The following LRRK1 variants were observed in gnomAD, a reference collection of about 807,000 sequenced individuals.
LRRK1 encodes leucine-rich repeat serine/threonine-protein kinase 1.
A neutral mutation model predicts 209.1 loss-of-function variants in LRRK1; 113 were observed. The observed-to-expected ratio is 0.54, with a 90% CI of 0.46 to 0.63. The LOEUF (loss-of-function observed/expected upper bound fraction) is 0.63. Among genes scored for constraint, LRRK1 ranks in the 30% least tolerant of loss-of-function variants. The pLI, the probability that LRRK1 is intolerant of heterozygous loss-of-function variation, is 0.00. For synonymous variants in LRRK1, 1,144 were observed against 1,099.7 expected, an observed-to-expected ratio of 1.04 and a Z score of -0.80; for missense variants, 2,284 against 2,632.2, an observed-to-expected ratio of 0.87 and a Z score of 2.89.
At chr15:100,966,695 G>A (rs564289762) in intron 2 of LRRK1, among the ~76,000 whole-genome samples, 16 of 152,306 alleles carry the variant, frequency 1.1e-4, no homozygotes, top group African/African-American at 3.9e-4. Flanking sequence ...AGCCCACAGG[G>A]TCGGTGAGAG....
At chr15:100,945,215 A>G (rs1487805438) in intron 2 of LRRK1, among the ~76,000 whole-genome samples, 1 of 152,212 alleles carries the variant, frequency 6.6e-6, no homozygotes, top group African/African-American at 2.4e-5. Context: ...GCTTCGAAAA[A>G]TCTGACAGAT....
intron 29 of LRRK1, among the ~76,000 whole-genome samples, chr15:101,060,889 G>T (rs1438643001): frequency 6.6e-6 from 1 of 152,262 alleles, no homozygotes; most frequent in Non-Finnish European, 1.5e-5. Context: ...GCAGGATATG[G>T]CCGGCGGGAG....
chr15:101,053,444 C>T (rs769068605), intron 26 of LRRK1, 24 bp downstream of exon 26: 12 of 1,545,916 alleles, frequency 7.8e-6, no homozygotes, highest in Middle Eastern at 1.7e-4. Context: ...CCGCCCCACC[C>T]GGCCCCGGAG....
chr15:101,056,610 A>AATGG (rs913204597), intron 27 of LRRK1, among the ~76,000 whole-genome samples: 2 of 152,044 alleles, frequency 1.3e-5, no homozygotes, highest in African/African-American at 4.8e-5. Flanking sequence ...AAGACAAGCA[A>AATGG]ATGGATGGAT....
At chr15:100,936,177 C>T (rs976199295) in intron 2 of LRRK1, among the ~76,000 whole-genome samples, 1 of 152,232 alleles carries the variant, frequency 6.6e-6, no homozygotes, top group South Asian at 2.1e-4. Flanking sequence ...ATTTAACCAA[C>T]ATTCGTTATT....
At chr15:101,011,146 C>G (rs1310624145) in intron 9 of LRRK1, among the ~76,000 whole-genome samples, 1 of 152,030 alleles carries the variant, frequency 6.6e-6, no homozygotes, top group Non-Finnish European at 1.5e-5. Context: ...AAGGAGGGTT[C>G]AGTTCTTTTA....
chr15:100,934,802 C>CAAAAAAAA (rs56258040), intron 2 of LRRK1, among the ~76,000 whole-genome samples: 4 of 53,448 alleles, frequency 7.5e-5, no homozygotes, highest in African/African-American at 1.1e-4. Flanking sequence ...GAAACTGTCT[C>CAAAAAAAA]AAAAAAAAAA....
rs913955477 is a variant in LRRK1 at position 101,051,829 on chromosome 15, G to A, written c.3558G>A (p.Gln1186=). The A allele has an allele frequency of 6.2e-7, 1 of 1,614,154 alleles. No homozygotes were observed. Among genetic ancestry groups the A allele is most frequent in the Non-Finnish European group, 8.5e-7 (1 of 1,180,028 alleles). ...CCAGTGAGAAATCAGAGGATGTGCA[G>A]TACTTCGACATGGAAGACTGTGTCC... is the stretch of plus-strand genomic sequence containing the variant. ...TDPSEKSEDV[Q]YFDMEDCVLT... Residue 1186 remains glutamine, a synonymous_variant, in exon 24 of 34, where the codon CAG becomes CAA. Coordinates refer to ENST00000388948, the MANE Select transcript of LRRK1 (RefSeq NM_024652.6).
chr15:100,949,267 C>A (rs559621509), intron 2 of LRRK1, among the ~76,000 whole-genome samples: 1 of 152,126 alleles, frequency 6.6e-6, no homozygotes, highest in South Asian at 2.1e-4. Context: ...CCAACAAATT[C>A]AATAACCTAG....
chr15:100,967,017 T>A (rs1276919995), intron 2 of LRRK1, among the ~76,000 whole-genome samples: 3 of 152,232 alleles, frequency 2.0e-5, no homozygotes, highest in Admixed American at 2.0e-4. Context: ...CATTCACACA[T>A]ACACATACCT....
chr15:100,956,450 T>TTTTTCTTTTTG, intron 2 of LRRK1, among the ~76,000 whole-genome samples: 1 of 64,640 alleles, frequency 1.5e-5, no homozygotes, highest in Admixed American at 2.3e-4. Flanking sequence ...TTTCCTTTTT[T>TTTTTCTTTTTG]TTTTCTTTTT....
chr15:100,940,543 C>T (rs1025073533), intron 2 of LRRK1, among the ~76,000 whole-genome samples: 1 of 152,186 alleles, frequency 6.6e-6, no homozygotes, highest in African/African-American at 2.4e-5. Context: ...TGCTCTGCAG[C>T]TCACCCACTG....
intron 21 of LRRK1, among the ~76,000 whole-genome samples, chr15:101,046,834 G>A (rs1436224502): frequency 6.6e-6 from 1 of 152,222 alleles, no homozygotes; most frequent in Non-Finnish European, 1.5e-5. Flanking sequence ...GGTTTACCTG[G>A]GGTTACAGGA....
chr15:101,030,873 C>G (rs2034249935), intron 20 of LRRK1, among the ~76,000 whole-genome samples: 1 of 152,184 alleles, frequency 6.6e-6, no homozygotes, highest in African/African-American at 2.4e-5. Context: ...ACAGTATACA[C>G]TGCACCCTAT....
chr15:100,962,823 ATTTTTT>A (rs1161979293), intron 2 of LRRK1, among the ~76,000 whole-genome samples: 2 of 11,544 alleles, frequency 1.7e-4, no homozygotes, highest in Non-Finnish European at 4.1e-4. Flanking sequence ...ATATATATAT[ATTTTTT>A]TTTTTTTTTT....
chr15:101,044,129 A>G (rs2034919136), intron 20 of LRRK1: 1 of 152,206 alleles, frequency 6.6e-6, no homozygotes, highest in Non-Finnish European at 1.5e-5. Context: ...GGCTGCTGGG[A>G]TCCCTGGATC....
chr15:101,024,833 A>C lies in LRRK1; in HGVS notation c.2098A>C (p.Ile700Leu). Reference protein sequence around the residue: ...VESVEFNVWDIGGPASMATVN... With the variant: ...VESVEFNVWDLGGPASMATVN... ...GTCCGTGGAGTTCAACGTCTGGGACATCGGGGGACCGGCCAGCATGGCCAC... is the reference window on the plus strand; with the variant it reads ...GTCCGTGGAGTTCAACGTCTGGGACCTCGGGGGACCGGCCAGCATGGCCAC... The change falls in exon 16 of 34, where the codon ATC becomes CTC. Residue 700 changes from isoleucine (I) to leucine (L), a missense_variant. Ile to Leu is a conservative substitution (Grantham distance 5). Transcript: ENST00000388948. The surrounding 1 kb of genome is among the most constrained non-coding windows in gnomAD (Gnocchi z 4.6). 6.2e-7 allele frequency: 1 copy of C among 1,614,108 alleles called. No homozygotes were observed. Among genetic ancestry groups the C allele is most frequent in the Non-Finnish European group, 8.5e-7 (1 of 1,179,974 alleles).
Position 100,983,580 on chromosome 15 carries a change from A to G in LRRK1, c.314A>G (p.Tyr105Cys). Residue 105 changes from tyrosine (Y) to cysteine (C), a missense_variant, in exon 4 of 34, where the codon TAC (tyrosine) becomes TGC (cysteine). Physicochemically the swap from Tyr to Cys is radical, Grantham distance 194. This residue lies in a region of LRRK1 where 134 missense variants were observed against 191.7 expected (regional missense o/e 0.70). Coordinates refer to ENST00000388948, the MANE Select transcript of LRRK1 (RefSeq NM_024652.6). ...TATGGGGATCTGGAGATGGTCCGCT[A>G]CCTACTCAGCAAGAGACTGGTGGAG... is the stretch of plus-strand genomic sequence containing the variant. ...AAYGDLEMVR[Y>C]LLSKRLVELP... 2 of 1,611,864 alleles carry G rather than the reference A, an allele frequency of 1.2e-6. No homozygotes were observed.
Position 101,027,904 on chromosome 15 carries a change from C to G in LRRK1, c.2686+107C>G. The G allele has an allele frequency of 2.0e-6, 2 of 1,017,646 alleles. No homozygotes were observed. Among genetic ancestry groups the G allele is most frequent in the East Asian group, 2.7e-5 (1 of 36,948 alleles). The allele number at this position is 1,017,646 out of a possible 1,614,324, so 63.0% of individuals were successfully genotyped here. A position where few individuals can be genotyped will look rare whatever the true frequency, so the allele number is the denominator to read the frequency against. ...AATGAATGAGAGACCGACACCCAGC[C>G]TGCGTTTCTGCCTTCCATCCCCCTC... On this transcript the variant is annotated intron_variant, in intron 19 of 33. Coordinates refer to ENST00000388948, the MANE Select transcript of LRRK1 (RefSeq NM_024652.6). The surrounding 1 kb of genome is among the most constrained non-coding windows in gnomAD (Gnocchi z 5.1).
Sources: allele counts gnomAD v4.1 joint callset (sites outside exome capture counted in the v4.1 genomes callset), GRCh38; gene constraint gnomAD v4.1.1; regional missense constraint gnomAD v4.1.1; non-coding constraint Gnocchi (gnomAD v3.1); transcripts MANE v1.5; gene names NCBI Gene and HGNC (gene_info 2026-07-23, HGNC 2026-07-21).